TBC1D1: variants seen among roughly 807,000 people sequenced by gnomAD.
TBC1D1 encodes TBC1 (tre-2/USP6, BUB2, cdc16) domain family, member 1.
In TBC1D1, 89 loss-of-function variants were observed where a neutral mutation model predicts 125.6. That is an observed-to-expected ratio of 0.71 (90% confidence interval 0.60 to 0.85). The LOEUF is 0.85. Ranked by LOEUF, TBC1D1 falls within the 40% of genes least tolerant of loss-of-function variation. The probability of loss-of-function intolerance (pLI) is 0.00; values close to 1 mark genes in which losing one functional copy is unlikely to be tolerated. For synonymous variants in TBC1D1, 565 were observed against 564.1 expected, an observed-to-expected ratio of 1.00 and a Z score of -0.02; for missense variants, 1,377 against 1,469.2, an observed-to-expected ratio of 0.94 and a Z score of 1.03.
At chr4:38,053,627 T>C (rs149785432) in intron 11 of TBC1D1, among the ~76,000 whole-genome samples, 1 of 152,346 alleles carries the variant, frequency 6.6e-6, no homozygotes, top group South Asian at 2.1e-4. Context: ...GTCCTGTGAA[T>C]AGGAGAAAAC....
intron 12 of TBC1D1, among the ~76,000 whole-genome samples, chr4:38,074,968 C>A (rs377171895): frequency 6.6e-6 from 1 of 152,098 alleles, no homozygotes; most frequent in Non-Finnish European, 1.5e-5. Context: ...GCCATGTTGT[C>A]CAGACTAGTC....
intron 4 of TBC1D1, 93 bp from the exon 5 acceptor site, chr4:38,020,498 A>T: frequency 1.0e-6 from 1 of 1,004,470 alleles, no homozygotes; most frequent in Non-Finnish European, 1.5e-6. Context: ...ATAAAAAGTA[A>T]AATAAATTGT....
intron 2 of TBC1D1, among the ~76,000 whole-genome samples, chr4:38,012,514 A>G (rs1349335297): frequency 2.0e-5 from 3 of 152,200 alleles, no homozygotes; most frequent in South Asian, 4.1e-4. Context: ...AGCTCAAGCA[A>G]TCCGCCTGCC....
In TBC1D1 at chr4:38,073,584, C is replaced by A. The variant is rs187634727; in HGVS notation, c.2051-16348C>A. ...TTTTTTAATTGAGTTATTTGATTTT[C>A]TACTGTTGAGTATGGATTATTAAAT... On this transcript the variant is annotated intron_variant, in intron 12 of 19. Transcript: ENST00000261439. 1.2e-3 allele frequency among the ~76,000 whole-genome samples: 185 copies of A among 152,248 alleles called. 1 individual carries two copies. Among genetic ancestry groups the A allele is most frequent in the African/African-American group, 4.3e-3 (177 of 41,538 alleles).
rs554838458 is a variant in TBC1D1, at chr4:38,073,901, T to A, written c.2051-16031T>A. On this transcript the variant is annotated intron_variant, in intron 12 of 19. Transcript: ENST00000261439. The stretch of plus-strand genomic sequence containing the variant: ...AGCCATTCTTGAAATCCACCTTGGC[T>A]GCCTTCATTTTTAATGTCAGTGGAC... 2.0e-5 allele frequency among the ~76,000 whole-genome samples: 3 copies of A among 152,316 alleles called. No homozygotes were observed. In the South Asian group the frequency reaches 6.2e-4, roughly 32 times the overall value.
intron 2 of TBC1D1, among the ~76,000 whole-genome samples, chr4:37,913,236 T>A (rs772097384): frequency 1.6e-4 from 25 of 152,144 alleles, no homozygotes; most frequent in Non-Finnish European, 3.7e-4. Context: ...TATGCTTGGT[T>A]CCTAAGGAAT....
chr4:38,133,020 G>C, intron 18 of TBC1D1, 64 bp from the exon 21 acceptor site: 1 of 1,480,686 alleles, frequency 6.8e-7, no homozygotes, highest in Non-Finnish European at 9.2e-7. Flanking sequence ...GATTGCAGAC[G>C]CCTGCCTGTA....
At chr4:38,058,563 G>A (rs1752182663) in intron 12 of TBC1D1, among the ~76,000 whole-genome samples, 3 of 152,216 alleles carry the variant, frequency 2.0e-5, no homozygotes, top group Admixed American at 6.5e-5. Flanking sequence ...GATCTTAACA[G>A]TACCTTTTAA....
intron 15 of TBC1D1, among the ~76,000 whole-genome samples, chr4:38,103,882 G>A (rs183351239): frequency 2.6e-5 from 4 of 151,570 alleles, no homozygotes; most frequent in Admixed American, 6.6e-5. Flanking sequence ...GGATGTGGCC[G>A]GGCACAGTGG....
At chr4:37,924,743 A>G (rs1309861194) in intron 2 of TBC1D1, among the ~76,000 whole-genome samples, 3 of 152,158 alleles carry the variant, frequency 2.0e-5, no homozygotes, top group Non-Finnish European at 2.9e-5. Context: ...CCTTGCATGT[A>G]TATGCCACAT....
intron 2 of TBC1D1, among the ~76,000 whole-genome samples, chr4:37,950,919 C>T (rs1263230738): frequency 2.0e-5 from 3 of 151,994 alleles, no homozygotes; most frequent in Non-Finnish European, 4.4e-5. Context: ...CCGCCATGCC[C>T]AGCTAATTTT....
intron 2 of TBC1D1, among the ~76,000 whole-genome samples, chr4:37,930,003 T>A (rs1722943623): frequency 6.6e-6 from 1 of 152,170 alleles, no homozygotes; most frequent in Admixed American, 6.5e-5. Flanking sequence ...GCACACCCCA[T>A]GACCCGGCAG....
chr4:37,949,568 CTG>C (rs879875023), intron 2 of TBC1D1, among the ~76,000 whole-genome samples: 2 of 152,236 alleles, frequency 1.3e-5, no homozygotes, highest in African/African-American at 2.4e-5. Context: ...CTTTCTCAGA[CTG>C]TCTGAAAATC....
intron 2 of TBC1D1, among the ~76,000 whole-genome samples, chr4:37,921,754 T>C (rs959715030): frequency 6.6e-6 from 1 of 151,918 alleles, no homozygotes; most frequent in African/African-American, 2.4e-5. Flanking sequence ...TTTTGGGGGC[T>C]AGGGTGTCAT....
At chr4:38,087,745 C>G (rs28729205) in intron 12 of TBC1D1, among the ~76,000 whole-genome samples, 1 of 146,860 alleles carries the variant, frequency 6.8e-6, no homozygotes, top group Non-Finnish European at 1.5e-5. Context: ...ACTCGGGAGT[C>G]TGAGGCAGGA....
intron 11 of TBC1D1, among the ~76,000 whole-genome samples, 168 bp downstream of exon 11, chr4:38,050,066 TATACAAGCA>T (rs1750218104): frequency 6.6e-6 from 1 of 152,158 alleles, no homozygotes; most frequent in Non-Finnish European, 1.5e-5. Context: ...TGCTTGTGAG[TATACAAGCA>T]ATGGGTACTT....
At chr4:38,107,598 T>TG in intron 15 of TBC1D1, among the ~76,000 whole-genome samples, 1 of 148,504 alleles carries the variant, frequency 6.7e-6, no homozygotes, top group Admixed American at 6.8e-5. Flanking sequence ...TTTTTTTTTT[T>TG]TTTGGCAATG....
intron 2 of TBC1D1, among the ~76,000 whole-genome samples, chr4:37,954,262 G>A (rs1023909128): frequency 2.0e-5 from 3 of 152,184 alleles, no homozygotes; most frequent in Non-Finnish European, 4.4e-5. Context: ...TTGGCCAGAC[G>A]TGGGTCACAT....
Position 37,977,435 on chromosome 4 carries a change from G to C in TBC1D1, c.418-37074G>C. 2 of 971,684 alleles carry C rather than the reference G, an allele frequency of 2.1e-6. No homozygotes were observed. The highest frequency in any genetic ancestry group is 2.4e-6 in the Non-Finnish European group (2 of 817,088). The allele number at this position is 971,684 out of a possible 1,614,324, so 60.2% of individuals were successfully genotyped here. On this transcript the variant is annotated intron_variant, in intron 2 of 19. Transcript: ENST00000261439. The surrounding 1 kb of genome is among the most constrained non-coding windows in gnomAD (Gnocchi z 4.3). ...CCAAGCCCGCCCCCGGCCGCCCGCG[G>C]GCCCACGGGCCGGCGGCGGGAGTGA...
Sources: allele counts gnomAD v4.1 joint callset (sites outside exome capture counted in the v4.1 genomes callset), GRCh38; gene constraint gnomAD v4.1.1; non-coding constraint Gnocchi (gnomAD v3.1); transcripts MANE v1.5; gene names NCBI Gene and HGNC (gene_info 2026-07-23, HGNC 2026-07-21).